The following CDH12 variants were observed in gnomAD, a reference collection of about 807,000 sequenced individuals.
CDH12 encodes cadherin 12.
In CDH12, 41 loss-of-function variants were observed where a neutral mutation model predicts 74.1. The ratio of observed to expected loss-of-function variants is 0.55; its 90% confidence interval spans 0.43 to 0.72. CDH12 has a LOEUF of 0.72. Ranked by LOEUF, CDH12 falls within the 30% of genes least tolerant of loss-of-function variation. The pLI, the probability that CDH12 is intolerant of heterozygous loss-of-function variation, is 0.00. For missense variants in CDH12, 945 were observed against 977.2 expected (o/e 0.97, Z 0.44); for synonymous variants, 399 against 355.0 (o/e 1.12, Z -1.39).
At chr5:22,666,623 A>T (rs10064006) in intron 1 of CDH12, among the ~76,000 whole-genome samples, 86,234 of 151,668 alleles carry the variant, frequency 0.57, 24,713 homozygotes, top group Non-Finnish European at 0.59. Flanking sequence ...CTTAGCTAAC[A>T]TCAACCATTT....
chr5:22,803,944 G>C (rs762955370), intron 1 of CDH12, among the ~76,000 whole-genome samples: 3 of 151,426 alleles, frequency 2.0e-5, no homozygotes, highest in Admixed American at 6.6e-5. Flanking sequence ...GATTTTTAGA[G>C]CATTATTTCA....
chr5:21,763,973 TTTG>T (rs1184916950), intron 12 of CDH12, among the ~76,000 whole-genome samples: 1 of 152,186 alleles, frequency 6.6e-6, no homozygotes, highest in Non-Finnish European at 1.5e-5. Flanking sequence ...GATTAAAAGA[TTTG>T]TTGTGCAACT....
At chr5:22,293,125 T>A (rs1737470683) in intron 3 of CDH12, among the ~76,000 whole-genome samples, 1 of 152,148 alleles carries the variant, frequency 6.6e-6, no homozygotes, top group Non-Finnish European at 1.5e-5. Context: ...CACCCTTAGT[T>A]CTGAAACTGC....
At chr5:22,746,807 A>C (rs920190489) in intron 1 of CDH12, among the ~76,000 whole-genome samples, 3 of 152,164 alleles carry the variant, frequency 2.0e-5, no homozygotes, top group Non-Finnish European at 4.4e-5. Context: ...TTAAAGAAGA[A>C]TATTTAGCTT....
Position 22,358,058 on chromosome 5 carries a change from A to G in CDH12, c.-333+47199T>C, listed in dbSNP as rs572584135. 2.0e-5 allele frequency among the ~76,000 whole-genome samples: 3 copies of G among 152,282 alleles called. No homozygotes were observed. The Middle Eastern group carries it at 0.01, about 518-fold the overall frequency. ...TGCATTGAAAGTCCTAAACAACATTAAATAGTTTTCTCTGGTGATACATCT... is the reference window on the plus strand; with the variant it reads ...TGCATTGAAAGTCCTAAACAACATTGAATAGTTTTCTCTGGTGATACATCT... On this transcript the variant is annotated intron_variant, in intron 3 of 14. Transcript: ENST00000382254.
At chr5:22,705,930 G>T (rs945767326) in intron 1 of CDH12, among the ~76,000 whole-genome samples, 1 of 151,970 alleles carries the variant, frequency 6.6e-6, no homozygotes, top group East Asian at 1.9e-4. Flanking sequence ...TGAATGGAAA[G>T]ATGTTCCTAT....
chr5:22,265,592 A>C (rs1753675540), intron 3 of CDH12, among the ~76,000 whole-genome samples: 1 of 152,136 alleles, frequency 6.6e-6, no homozygotes, highest in Non-Finnish European at 1.5e-5. Flanking sequence ...ATATTCATTG[A>C]AGTGTATTTA....
At chr5:22,381,940 T>C (rs1741774463) in intron 3 of CDH12, among the ~76,000 whole-genome samples, 1 of 150,164 alleles carries the variant, frequency 6.7e-6, no homozygotes, top group South Asian at 2.1e-4. Flanking sequence ...TATATTTCTA[T>C]AGAGAGAGAA....
At chr5:22,809,337 T>A (rs977358783) in intron 1 of CDH12, among the ~76,000 whole-genome samples, 88 of 152,094 alleles carry the variant, frequency 5.8e-4, no homozygotes, top group African/African-American at 1.9e-3. Flanking sequence ...GAATATAGAA[T>A]AATTTTATGC....
At chr5:22,562,612 G>A (rs1423516077) in intron 1 of CDH12, among the ~76,000 whole-genome samples, 7 of 150,958 alleles carry the variant, frequency 4.6e-5, no homozygotes, top group African/African-American at 1.7e-4. Context: ...GAAAATAAGA[G>A]GCAGAAAAAA....
At chr5:22,280,643 G>A (rs879938449) in intron 3 of CDH12, among the ~76,000 whole-genome samples, 6 of 152,068 alleles carry the variant, frequency 3.9e-5, no homozygotes, top group South Asian at 2.1e-4. Context: ...TAAATTCCTC[G>A]ACACATACAC....
chr5:22,672,010 T>A (rs1166398034), intron 1 of CDH12, among the ~76,000 whole-genome samples: 2 of 145,230 alleles, frequency 1.4e-5, no homozygotes, highest in Non-Finnish European at 3.0e-5. Flanking sequence ...AGCATTTATA[T>A]ATATGAAATA....
At chr5:21,828,908 CTTTTTTTTTTTTTT>C (rs70957070) in intron 8 of CDH12, among the ~76,000 whole-genome samples, 1 of 119,280 alleles carries the variant, frequency 8.4e-6, no homozygotes, top group Non-Finnish European at 1.7e-5. Context: ...AATCCTATGT[CTTTTTTTTTTTTTT>C]TTTTTTTTTT....
intron 10 of CDH12, among the ~76,000 whole-genome samples, chr5:21,796,576 G>T (rs1166843950): frequency 6.6e-6 from 1 of 151,898 alleles, no homozygotes; most frequent in South Asian, 2.1e-4. Flanking sequence ...ACATAAAATA[G>T]ATTTTCTTTA....
At chr5:21,857,252 A>T (rs1750804094) in intron 6 of CDH12, among the ~76,000 whole-genome samples, 1 of 151,884 alleles carries the variant, frequency 6.6e-6, no homozygotes, top group African/African-American at 2.4e-5. Flanking sequence ...AATACAGTCA[A>T]TGATTTGCAC....
In CDH12 at chr5:22,078,775, C is replaced by A. The variant is rs1742513902; in HGVS notation, c.-99G>T. 1 of 1,501,808 alleles carries A rather than the reference C, an allele frequency of 6.7e-7. No individual in the cohort carries two copies. The highest frequency in any genetic ancestry group is 1.4e-5 in the African/African-American group (1 of 71,586). 93.0% of individuals were successfully genotyped at this position (1,501,808 alleles called of 1,614,324 possible). A position where few individuals can be genotyped will look rare whatever the true frequency, so the allele number is the denominator to read the frequency against. On this transcript the variant is annotated 5_prime_UTR_variant, in exon 5 of 15. Transcript: ENST00000382254. ...GGTGTCTGTGGCCTCCACCACTTAG[C>A]TTCTTGTTTTATTGCAGAAATGATG...
chr5:22,446,661 C>G (rs1458290114), intron 2 of CDH12, among the ~76,000 whole-genome samples: 1 of 151,952 alleles, frequency 6.6e-6, no homozygotes, highest in Non-Finnish European at 1.5e-5. Context: ...TAAGCAAAAA[C>G]AGAAAACAAA....
chr5:22,422,634 T>C (rs915746511), intron 2 of CDH12, among the ~76,000 whole-genome samples: 9 of 152,182 alleles, frequency 5.9e-5, no homozygotes, highest in Admixed American at 1.3e-4. Flanking sequence ...TTTTATATAT[T>C]GAGAACCTGG....
At chr5:22,802,841 C>A (rs546625272) in intron 1 of CDH12, among the ~76,000 whole-genome samples, 7 of 152,180 alleles carry the variant, frequency 4.6e-5, no homozygotes, top group African/African-American at 1.7e-4. Context: ...CTGTTGAGAG[C>A]CGAGTTTGGA....
Sources: gnomAD v4.1 joint callset for allele counts (sites outside exome capture counted in the v4.1 genomes callset) on GRCh38, gnomAD v4.1.1 for gene constraint, MANE v1.5 for transcripts, NCBI Gene and HGNC (gene_info 2026-07-23, HGNC 2026-07-21) for gene names.